The following CCDC102B variants were observed in gnomAD, a reference collection of about 807,000 sequenced individuals.
CCDC102B encodes coiled-coil domain-containing protein 102B.
CCDC102B carries 75 observed loss-of-function variants against 57.4 expected under a neutral mutation model. That is an observed-to-expected ratio of 1.31 (90% confidence interval 1.08 to 1.58). The LOEUF is 1.58. Ranked by LOEUF, CCDC102B falls within the 40% of genes most tolerant of loss-of-function variation. CCDC102B has a pLI of 0.00. For synonymous variants in CCDC102B, 206 were observed against 201.9 expected (o/e 1.02, Z -0.17); for missense variants, 636 against 582.6 (o/e 1.09, Z -0.94).
intron 6 of CCDC102B, among the ~76,000 whole-genome samples, chr18:68,974,034 A>G (rs1228792489): frequency 2.6e-5 from 4 of 152,146 alleles, no homozygotes; most frequent in African/African-American, 4.8e-5. Context: ...GAAAACAAAT[A>G]GGAACCTTTG....
chr18:68,821,278 A>G (rs975962467), intron 1 of CCDC102B, among the ~76,000 whole-genome samples: 1 of 152,076 alleles, frequency 6.6e-6, no homozygotes, highest in African/African-American at 2.4e-5. Flanking sequence ...CTTGTCTTCA[A>G]TTTAGTGCAG....
At chr18:69,029,301 C>T (rs1482235280) in intron 7 of CCDC102B, among the ~76,000 whole-genome samples, 1 of 152,110 alleles carries the variant, frequency 6.6e-6, no homozygotes, top group East Asian at 1.9e-4. Context: ...CCTCTGTTAG[C>T]AGAAGAAATC....
intron 5 of CCDC102B, among the ~76,000 whole-genome samples, chr18:68,879,681 A>C (rs903056706): frequency 2.2e-4 from 33 of 151,722 alleles, no homozygotes; most frequent in African/African-American, 8.0e-4. Context: ...CTTGAGCTAG[A>C]TACAGAGTGC....
intron 5 of CCDC102B, among the ~76,000 whole-genome samples, chr18:68,886,518 T>TC (rs2039891069): frequency 6.6e-6 from 1 of 152,140 alleles, no homozygotes; most frequent in Admixed American, 6.6e-5. Context: ...CTTCCTTAAG[T>TC]AGAAACCTAA....
At position 68,983,103 on chromosome 18, in the gene CCDC102B, T is replaced by G. The variant is rs115331358; in HGVS notation, c.1264-27831T>G. 4.8e-3 allele frequency among the ~76,000 whole-genome samples: 736 copies of G among 152,044 alleles called. 12 individuals carry two copies. The highest frequency in any genetic ancestry group is 0.016 in the African/African-American group (678 of 41,518). On this transcript the variant is annotated intron_variant, in intron 6 of 7. Coordinates refer to ENST00000360242, the MANE Select transcript of CCDC102B (RefSeq NM_024781.3). Reference sequence around the variant, plus strand: ...TCCATTTTCAGAAGGATACTTCTCTTTGTATAATTGGAAGTATACATTAAT... The same window carrying G: ...TCCATTTTCAGAAGGATACTTCTCTGTGTATAATTGGAAGTATACATTAAT...
chr18:68,753,138 A>G (rs1024032989), intron 2 of CCDC102B: 5 of 152,170 alleles, frequency 3.3e-5, no homozygotes, highest in African/African-American at 1.2e-4. Context: ...GTAAAGTACA[A>G]TGATTTCATT....
chr18:68,919,465 T>C (rs187782944), intron 6 of CCDC102B, among the ~76,000 whole-genome samples: 13 of 152,294 alleles, frequency 8.5e-5, no homozygotes, highest in Non-Finnish European at 1.8e-4. Context: ...GCAGGTTATT[T>C]TAGAGATTAA....
At chr18:68,962,229 A>G (rs747141062) in intron 6 of CCDC102B, among the ~76,000 whole-genome samples, 18 of 152,052 alleles carry the variant, frequency 1.2e-4, no homozygotes, top group Admixed American at 3.3e-4. Context: ...GCATTGCTTC[A>G]TTTACTCCTT....
intron 2 of CCDC102B, among the ~76,000 whole-genome samples, chr18:68,787,307 G>T (rs1367777315): frequency 2.6e-4 from 39 of 151,154 alleles, no homozygotes; most frequent in East Asian, 1.6e-3. Context: ...GTTGTGTCTC[G>T]GCCCGGCTTT....
rs1207323668 is a variant in CCDC102B at position 68,723,070 on chromosome 18, T to TA, written c.-67+6477dup. ...ATGGCTGGGGAGGCCTCAGGAAACT[T>TA]ACAATCATGGTGGAAGGCACCTCTT... On this transcript the variant is annotated intron_variant, in intron 2 of 3. Coordinates refer to the CCDC102B transcript ENST00000578970. Among the ~76,000 whole-genome samples, 7 of 152,044 alleles carry TA rather than the reference T, an allele frequency of 4.6e-5. No individual in the cohort carries two copies. The South Asian group carries it at 8.3e-4, about 18-fold the overall frequency.
At chr18:68,857,482 A>T (rs1243080640) in intron 4 of CCDC102B, among the ~76,000 whole-genome samples, 3 of 144,478 alleles carry the variant, frequency 2.1e-5, no homozygotes, top group African/African-American at 7.8e-5. Context: ...ATTATTGTAG[A>T]CTTTATTTTT....
At chr18:68,913,240 G>A (rs532399757) in intron 6 of CCDC102B, among the ~76,000 whole-genome samples, 76 of 151,550 alleles carry the variant, frequency 5.0e-4, no homozygotes, top group Non-Finnish European at 7.1e-4. Flanking sequence ...CCATACATCA[G>A]TAACTAGAAA....
intron 6 of CCDC102B, among the ~76,000 whole-genome samples, chr18:68,931,985 T>C (rs576096477): frequency 7.9e-5 from 12 of 151,158 alleles, no homozygotes; most frequent in African/African-American, 2.4e-4. Flanking sequence ...TGTATTATTC[T>C]ATAAATTTGC....
chr18:69,031,387 T>C (rs2052140114), intron 7 of CCDC102B, among the ~76,000 whole-genome samples: 1 of 152,038 alleles, frequency 6.6e-6, no homozygotes, highest in Non-Finnish European at 1.5e-5. Context: ...TTTACATAAT[T>C]TGTACATCTT....
chr18:68,943,940 C>T (rs1462100416), intron 6 of CCDC102B, among the ~76,000 whole-genome samples: 2 of 152,104 alleles, frequency 1.3e-5, no homozygotes, highest in Non-Finnish European at 2.9e-5. Flanking sequence ...TACAAAAAAG[C>T]AAGGGAACCA....
At chr18:68,738,107 G>A (rs497162) in intron 2 of CCDC102B, among the ~76,000 whole-genome samples, 151,614 of 152,292 alleles carry the variant, frequency 1, 75,472 homozygotes, top group Middle Eastern at 1. Flanking sequence ...ATGACTCCCT[G>A]TATCTACAAA....
intron 4 of CCDC102B, among the ~76,000 whole-genome samples, chr18:68,855,735 G>T (rs1367737233): frequency 1.3e-5 from 2 of 152,032 alleles, no homozygotes; most frequent in African/African-American, 4.8e-5. Context: ...ACTTTAGGTA[G>T]GTTTTCAGAG....
chr18:68,914,565 G>A (rs1217312983), intron 6 of CCDC102B, among the ~76,000 whole-genome samples: 1 of 152,190 alleles, frequency 6.6e-6, no homozygotes, highest in South Asian at 2.1e-4. Context: ...CACCTTATAT[G>A]TGCTTGTTTT....
rs2035997222 is a variant in CCDC102B, at chr18:68,805,375, G to C, written c.-16+7194G>C. ...AACTGAAGTGAGACCAGATAGCAATGGGTGTGTTTTCTCAAAGCCTGATCA... is the reference window on the plus strand; with the variant it reads ...AACTGAAGTGAGACCAGATAGCAATCGGTGTGTTTTCTCAAAGCCTGATCA... On this transcript the variant is annotated intron_variant, in intron 1 of 7. Coordinates refer to ENST00000360242, the MANE Select transcript of CCDC102B (RefSeq NM_024781.3). 2.0e-5 allele frequency among the ~76,000 whole-genome samples: 3 copies of C among 152,174 alleles called. No homozygotes were observed. In the South Asian group the frequency reaches 6.2e-4, roughly 32 times the overall value.
Sources: gnomAD v4.1 joint callset for allele counts (sites outside exome capture counted in the v4.1 genomes callset) on GRCh38, gnomAD v4.1.1 for gene constraint, MANE v1.5 for transcripts, NCBI Gene and HGNC (gene_info 2026-07-23, HGNC 2026-07-21) for gene names.